ELMO1: variants seen among roughly 807,000 people sequenced by gnomAD.
ELMO1 encodes the protein engulfment and cell motility protein 1.
Under a neutral mutation model 98.9 loss-of-function variants are expected in ELMO1, and 26 were observed. The ratio of observed to expected loss-of-function variants is 0.26; its 90% CI spans 0.19 to 0.36. The LOEUF is 0.36. Ranked by LOEUF, ELMO1 falls within the 10% of genes least tolerant of loss-of-function variation. The pLI is 1.00. For synonymous variants in ELMO1, 346 were observed against 346.0 expected (o/e 1.00, Z 0.00); for missense variants, 627 against 935.2 (o/e 0.67, Z 4.30).
chr7:36,878,859 A>G (rs1804185458), intron 18 of ELMO1, among the ~76,000 whole-genome samples: 1 of 152,206 alleles, frequency 6.6e-6, no homozygotes, highest in African/African-American at 2.4e-5. Context: ...GAGTAAGTCT[A>G]TGAGGCAGGA....
chr7:36,876,670 G>A (rs868419856), intron 19 of ELMO1, among the ~76,000 whole-genome samples: 23 of 152,264 alleles, frequency 1.5e-4, no homozygotes, highest in Middle Eastern at 6.8e-3. Context: ...CAGGGACCAC[G>A]TTTAGAGAAC....
chr7:37,050,773 A>G (rs1181539898), intron 15 of ELMO1, among the ~76,000 whole-genome samples: 1 of 151,832 alleles, frequency 6.6e-6, no homozygotes, highest in Non-Finnish European at 1.5e-5. Context: ...AATTACCAAA[A>G]AAAAAAACCC....
intron 13 of ELMO1, among the ~76,000 whole-genome samples, chr7:37,192,701 G>A (rs1182085639): frequency 6.7e-6 from 1 of 150,074 alleles, no homozygotes; most frequent in Admixed American, 6.7e-5. Flanking sequence ...AGAAGGCTAA[G>A]GTGGGAGGAT....
chr7:37,371,492 C>T (rs140435699), intron 1 of ELMO1, among the ~76,000 whole-genome samples: 4 of 152,122 alleles, frequency 2.6e-5, no homozygotes, highest in African/African-American at 4.8e-5. Flanking sequence ...TTCATTTACT[C>T]GGAAAACTTA....
intron 1 of ELMO1, among the ~76,000 whole-genome samples, chr7:37,358,579 G>T (rs1342061691): frequency 6.6e-6 from 1 of 152,174 alleles, no homozygotes; most frequent in Non-Finnish European, 1.5e-5. Context: ...TATCTGAGGT[G>T]TGAATTTGAT....
At chr7:37,042,915 T>C (rs900142050) in intron 15 of ELMO1, among the ~76,000 whole-genome samples, 1 of 152,262 alleles carries the variant, frequency 6.6e-6, no homozygotes, top group African/African-American at 2.4e-5. Flanking sequence ...CATTTTCTGA[T>C]ACATGATATT....
At chr7:36,906,837 G>A (rs937224167) in intron 16 of ELMO1, among the ~76,000 whole-genome samples, 17 of 152,090 alleles carry the variant, frequency 1.1e-4, no homozygotes, top group African/African-American at 4.1e-4. Flanking sequence ...GTAGATCTCA[G>A]TAAGTGCTAT....
At chr7:37,268,896 T>C (rs1378513442) in intron 5 of ELMO1, among the ~76,000 whole-genome samples, 1 of 152,228 alleles carries the variant, frequency 6.6e-6, no homozygotes, top group Non-Finnish European at 1.5e-5. Context: ...GAGGTAAAAC[T>C]CAGCATAGCT....
intron 1 of ELMO1, among the ~76,000 whole-genome samples, chr7:37,427,929 G>A (rs906150112): frequency 5.9e-5 from 9 of 152,158 alleles, no homozygotes; most frequent in Non-Finnish European, 1.2e-4. Context: ...AGTTTCCCAG[G>A]CCTCCATGCA....
chr7:36,854,988 G>A lies in ELMO1; in HGVS notation c.*563C>T, dbSNP rs1802091497. On this transcript the variant is annotated 3_prime_UTR_variant, in exon 22 of 22. Transcript: ENST00000310758. ...GGCTGCTGCTCTTGGGACCAAAGAG[G>A]AACAGAGCAAGGCAAAAGCAGGGAG... 6.1e-6 allele frequency: 1 copy of A among 163,982 alleles called. No individual in the cohort carries two copies. Among genetic ancestry groups the A allele is most frequent in the Non-Finnish European group, 1.3e-5 (1 of 74,350 alleles). The allele number at this position is 163,982 out of a possible 1,614,324, so 10.2% of individuals were successfully genotyped here. A position where few individuals can be genotyped will look rare whatever the true frequency, so the allele number is the denominator to read the frequency against.
At chr7:37,298,278 G>GTTT (rs200612374) in intron 4 of ELMO1, among the ~76,000 whole-genome samples, 2 of 58,618 alleles carry the variant, frequency 3.4e-5, no homozygotes, top group African/African-American at 5.8e-5. Flanking sequence ...AGACTAGGAA[G>GTTT]TTTTTTTTGT....
At chr7:37,066,048 C>A (rs930861047) in intron 15 of ELMO1, among the ~76,000 whole-genome samples, 1 of 152,186 alleles carries the variant, frequency 6.6e-6, no homozygotes, top group African/African-American at 2.4e-5. Context: ...CACAAGCTCT[C>A]TTGCCTGCTG....
intron 16 of ELMO1, among the ~76,000 whole-genome samples, chr7:36,972,418 C>T (rs902857506): frequency 6.6e-6 from 1 of 152,206 alleles, no homozygotes; most frequent in Non-Finnish European, 1.5e-5. Flanking sequence ...ACTGCCATGA[C>T]GAAGTATGGC....
intron 16 of ELMO1, among the ~76,000 whole-genome samples, chr7:36,981,382 A>C (rs901003897): frequency 6.6e-6 from 1 of 151,842 alleles, no homozygotes; most frequent in Non-Finnish European, 1.5e-5. Context: ...TCTTTTGGGG[A>C]GTGAAGATAT....
chr7:37,039,369 G>A (rs972513347), intron 15 of ELMO1, among the ~76,000 whole-genome samples: 2 of 152,186 alleles, frequency 1.3e-5, no homozygotes, highest in Admixed American at 6.5e-5. Flanking sequence ...CCATGAGGAG[G>A]GGGAGATACA....
chr7:37,087,112 T>TATAAAA (rs1182227092), intron 15 of ELMO1, among the ~76,000 whole-genome samples: 2 of 152,196 alleles, frequency 1.3e-5, no homozygotes, highest in Non-Finnish European at 2.9e-5. Context: ...GTTATAATCT[T>TATAAAA]TTTTTTCCAT....
intron 4 of ELMO1, among the ~76,000 whole-genome samples, chr7:37,277,362 C>G (rs1038532762): frequency 6.6e-6 from 1 of 152,184 alleles, no homozygotes; most frequent in African/African-American, 2.4e-5. Flanking sequence ...TGGGCATAGG[C>G]AGGATTTCCC....
intron 9 of ELMO1, among the ~76,000 whole-genome samples, chr7:37,223,071 A>G (rs1224464437): frequency 6.6e-6 from 1 of 152,250 alleles, no homozygotes; most frequent in Non-Finnish European, 1.5e-5. Flanking sequence ...TCTGTCTGAT[A>G]CATGAAATAT....
intron 13 of ELMO1, among the ~76,000 whole-genome samples, chr7:37,147,754 TACACAAGAAATCGTGC>T (rs140681256): frequency 0.018 from 2,700 of 149,530 alleles, 101 homozygotes; most frequent in African/African-American, 0.063. Context: ...CAGTTCCTGA[TACACAAGAAATCGTGC>T]ACACAAGAGT....
Sources: gnomAD v4.1 joint callset for allele counts (sites outside exome capture counted in the v4.1 genomes callset) on GRCh38, gnomAD v4.1.1 for gene constraint, MANE v1.5 for transcripts, NCBI Gene and HGNC (gene_info 2026-07-23, HGNC 2026-07-21) for gene names.